The following LIMS1 variants were observed in gnomAD, a reference collection of about 807,000 sequenced individuals.
The protein encoded by LIMS1 is LIM and senescent cell antigen-like-containing domain protein 1.
In LIMS1, 18 loss-of-function variants were observed where a neutral mutation model predicts 44.1. That is an observed-to-expected ratio of 0.41 (90% confidence interval 0.28 to 0.61). The LOEUF (loss-of-function observed/expected upper bound fraction) is 0.61, where lower values mean the gene tolerates loss of function less well. LIMS1 is among the 20% of genes least tolerant of loss of function. The pLI is 0.32. For synonymous variants in LIMS1, 93 were observed against 149.1 expected (o/e 0.62, Z 2.74); for missense variants, 201 against 422.0 (o/e 0.48, Z 4.59).
intron 1 of LIMS1, among the ~76,000 whole-genome samples, chr2:108,569,203 T>C (rs746788735): frequency 2.0e-5 from 3 of 152,184 alleles, no homozygotes. Flanking sequence ...GTTGTTGTTC[T>C]TCAGGTACAG....
In LIMS1 at chr2:108,553,504, T is replaced by C. The variant is rs538738877; in HGVS notation, c.32+18910T>C. ...CCAGGATCACACAATCCCAAAATAC[T>C]AGAGTTAGAAGAGACTTTAGAGAAC... On this transcript the variant is annotated intron_variant, in intron 1 of 9. Transcript: ENST00000544547. 8.5e-5 allele frequency among the ~76,000 whole-genome samples: 13 copies of C among 152,340 alleles called. No homozygotes were observed. In the East Asian group the frequency reaches 1.5e-3, roughly 18 times the overall value.
chr2:108,644,656 T>C (rs1689939880), intron 1 of LIMS1, among the ~76,000 whole-genome samples: 1 of 152,010 alleles, frequency 6.6e-6, no homozygotes, highest in Non-Finnish European at 1.5e-5. Context: ...GTTTGACGAA[T>C]GTGACAGGAG....
In LIMS1 at chr2:108,615,857, A is replaced by G. The variant is rs192250000; in HGVS notation, c.33-43748A>G. On this transcript the variant is annotated intron_variant, in intron 1 of 9. Transcript: ENST00000544547. ...TCTGATTCAAGTGGAACAATGGAGG[A>G]CTGTGATAGTTAAATGACTTCCTGT... 2.0e-3 allele frequency among the ~76,000 whole-genome samples: 306 copies of G among 152,268 alleles called. 3 individuals are homozygous for G. The highest frequency in any genetic ancestry group is 7.0e-3 in the African/African-American group (292 of 41,542).
At chr2:108,585,749 T>G (rs1686074941) in intron 1 of LIMS1, among the ~76,000 whole-genome samples, 1 of 151,988 alleles carries the variant, frequency 6.6e-6, no homozygotes, top group South Asian at 2.1e-4. Flanking sequence ...GAATAGAAAA[T>G]TCCCAGGAAA....
At chr2:108,644,701 C>T (rs991947643) in intron 1 of LIMS1, among the ~76,000 whole-genome samples, 4 of 151,882 alleles carry the variant, frequency 2.6e-5, no homozygotes, top group African/African-American at 7.3e-5. Flanking sequence ...CAAACTCCTC[C>T]GAGCTAAAGG....
intron 1 of LIMS1, among the ~76,000 whole-genome samples, chr2:108,593,877 C>T (rs1342964308): frequency 6.6e-6 from 1 of 152,168 alleles, no homozygotes; most frequent in Non-Finnish European, 1.5e-5. Flanking sequence ...TTTTATTTTA[C>T]TTATTTCTAG....
intron 1 of LIMS1, among the ~76,000 whole-genome samples, chr2:108,616,957 A>C (rs746774804): frequency 6.6e-6 from 1 of 152,212 alleles, no homozygotes; most frequent in Non-Finnish European, 1.5e-5. Context: ...ATGATTATTT[A>C]TGAGATAAAA....
intron 1 of LIMS1, among the ~76,000 whole-genome samples, chr2:108,577,881 A>G (rs1394178554): frequency 6.6e-6 from 1 of 152,046 alleles, no homozygotes; most frequent in Non-Finnish European, 1.5e-5. Flanking sequence ...GTTAAATGCT[A>G]TTCTGAGATT....
At chr2:108,536,165 T>A (rs1206477440) in intron 1 of LIMS1, among the ~76,000 whole-genome samples, 1 of 152,316 alleles carries the variant, frequency 6.6e-6, no homozygotes, top group East Asian at 1.9e-4. Flanking sequence ...CCGCATCCTA[T>A]CCCCTTCCCA....
At chr2:108,639,921 AGTTCAGT>A (rs768126903) in intron 1 of LIMS1, among the ~76,000 whole-genome samples, 147 of 152,386 alleles carry the variant, frequency 9.6e-4, no homozygotes, top group Non-Finnish European at 1.1e-3. Context: ...AAAACAGTAC[AGTTCAGT>A]GATCCCATCC....
At chr2:108,615,547 G>A (rs982683188) in intron 1 of LIMS1, among the ~76,000 whole-genome samples, 1 of 152,072 alleles carries the variant, frequency 6.6e-6, no homozygotes, top group Non-Finnish European at 1.5e-5. Flanking sequence ...AAGCAGCTTT[G>A]TGACCAAAGA....
chr2:108,560,559 G>C (rs1193031147), intron 1 of LIMS1, among the ~76,000 whole-genome samples: 3 of 151,906 alleles, frequency 2.0e-5, no homozygotes, highest in Non-Finnish European at 2.9e-5. Flanking sequence ...TCCTCTGGGA[G>C]GTCCTCCGTA....
chr2:108,565,494 C>A (rs888771141), intron 1 of LIMS1, among the ~76,000 whole-genome samples: 1 of 152,114 alleles, frequency 6.6e-6, no homozygotes, highest in Non-Finnish European at 1.5e-5. Context: ...AAAGTGAATG[C>A]TTAAGGAGGG....
chr2:108,539,337 G>A (rs1254894896), intron 1 of LIMS1, among the ~76,000 whole-genome samples: 1 of 152,120 alleles, frequency 6.6e-6, no homozygotes, highest in East Asian at 1.9e-4. Flanking sequence ...CGCCCTTCTC[G>A]GCCTCTCAAA....
chr2:108,611,579 A>G (rs1687602610), intron 1 of LIMS1, among the ~76,000 whole-genome samples: 2 of 152,062 alleles, frequency 1.3e-5, no homozygotes, highest in Admixed American at 1.3e-4. Flanking sequence ...GTTTTGATCA[A>G]TCAAAAATAT....
intron 6 of LIMS1, among the ~76,000 whole-genome samples, 170 bp from the exon 7 acceptor site, chr2:108,676,436 A>T (rs999291571): frequency 6.6e-6 from 1 of 152,214 alleles, no homozygotes; most frequent in East Asian, 1.9e-4. Context: ...AAAGACAGAC[A>T]CCTGAATTAC....
intron 1 of LIMS1, among the ~76,000 whole-genome samples, chr2:108,627,892 A>G (rs1031015696): frequency 1.3e-5 from 2 of 152,318 alleles, no homozygotes; most frequent in Admixed American, 1.3e-4. Context: ...TTAAATGGTT[A>G]TATCTGTTTC....
chr2:108,682,395 G>A (rs745408120), intron 9 of LIMS1, among the ~76,000 whole-genome samples: 6 of 152,116 alleles, frequency 3.9e-5, no homozygotes, highest in Admixed American at 2.0e-4. Context: ...AGATACTCGC[G>A]AGGCTGAGAC....
chr2:108,675,984 G>A, exon 6 of LIMS1: 4 of 1,614,034 alleles, frequency 2.5e-6, no homozygotes, highest in Non-Finnish European at 3.4e-6. Flanking sequence ...ACGGCCCATC[G>A]AAGGGCGCGT....
Sources: gnomAD v4.1 joint callset for allele counts (sites outside exome capture counted in the v4.1 genomes callset) on GRCh38, gnomAD v4.1.1 for gene constraint, MANE v1.5 for transcripts, NCBI Gene and HGNC (gene_info 2026-07-23, HGNC 2026-07-21) for gene names.